The following PAK5 variants were observed in gnomAD, a reference collection of about 807,000 sequenced individuals.
The protein encoded by PAK5 is p21 (RAC1) activated kinase 5, also known as serine/threonine-protein kinase PAK 5.
Under a neutral mutation model 65.9 loss-of-function variants are expected in PAK5, and 16 were observed. The ratio of observed to expected loss-of-function variants is 0.24; its 90% CI spans 0.16 to 0.37. The LOEUF (loss-of-function observed/expected upper bound fraction) is 0.37. Ranked by LOEUF, PAK5 falls within the 10% of genes least tolerant of loss-of-function variation. The pLI is 1.00. For missense variants in PAK5, 785 were observed against 903.9 expected, an observed-to-expected ratio of 0.87 and a Z score of 1.69; for synonymous variants, 371 against 354.9, an observed-to-expected ratio of 1.05 and a Z score of -0.51.
At chr20:9,709,065 G>T (rs536648599) in intron 2 of PAK5, among the ~76,000 whole-genome samples, 1 of 152,114 alleles carries the variant, frequency 6.6e-6, no homozygotes, top group Non-Finnish European at 1.5e-5. Context: ...TCTAGTTCAT[G>T]TTAGTCTTGT....
intron 1 of PAK5, among the ~76,000 whole-genome samples, chr20:9,717,313 C>T (rs1162489368): frequency 6.6e-6 from 1 of 152,088 alleles, no homozygotes; most frequent in African/African-American, 2.4e-5. Flanking sequence ...ATTTATTATT[C>T]CCTGAGATTA....
intron 4 of PAK5, 134 bp from the exon 5 acceptor site, chr20:9,566,518 C>A: frequency 1.2e-6 from 1 of 849,072 alleles, no homozygotes; most frequent in Non-Finnish European, 1.9e-6. Flanking sequence ...GCTGGGGCAC[C>A]AACAGGACCG....
At chr20:9,629,681 C>A (rs1259087487) in intron 3 of PAK5, among the ~76,000 whole-genome samples, 1 of 152,240 alleles carries the variant, frequency 6.6e-6, no homozygotes, top group East Asian at 1.9e-4. Context: ...ACCCTTGTGA[C>A]CTCACATAGC....
At chr20:9,622,573 T>A (rs888422911) in intron 3 of PAK5, among the ~76,000 whole-genome samples, 1 of 152,208 alleles carries the variant, frequency 6.6e-6, no homozygotes, top group African/African-American at 2.4e-5. Flanking sequence ...GTCTGTTGAC[T>A]GTTGGGAAGC....
intron 1 of PAK5, among the ~76,000 whole-genome samples, chr20:9,730,356 C>G (rs2048323521): frequency 6.6e-6 from 1 of 152,080 alleles, no homozygotes; most frequent in Non-Finnish European, 1.5e-5. Context: ...ATTACCATGA[C>G]AAGAGGATGT....
chr20:9,743,223 A>C (rs2123592263), intron 1 of PAK5, among the ~76,000 whole-genome samples: 1 of 151,994 alleles, frequency 6.6e-6, no homozygotes. Context: ...TAAAAAAATT[A>C]GCCAGGCATG....
At chr20:9,660,064 C>G (rs995187847) in intron 2 of PAK5, among the ~76,000 whole-genome samples, 1 of 152,070 alleles carries the variant, frequency 6.6e-6, no homozygotes, top group African/African-American at 2.4e-5. Context: ...GACTGTCACT[C>G]CCTTCCAAAT....
intron 2 of PAK5, among the ~76,000 whole-genome samples, chr20:9,656,057 G>T (rs1600204877): frequency 1.3e-5 from 2 of 152,058 alleles, no homozygotes; most frequent in African/African-American, 4.8e-5. Context: ...AACTTGGGAG[G>T]TGGACAGAAT....
At chr20:9,752,369 A>C (rs1236354239) in intron 1 of PAK5, among the ~76,000 whole-genome samples, 1 of 152,056 alleles carries the variant, frequency 6.6e-6, no homozygotes, top group African/African-American at 2.4e-5. Flanking sequence ...AGAGGAAAAA[A>C]CTTATTTATA....
intron 2 of PAK5, among the ~76,000 whole-genome samples, chr20:9,677,073 G>T (rs538792865): frequency 6.5e-4 from 99 of 151,694 alleles, no homozygotes; most frequent in East Asian, 2.5e-3. Context: ...GTGTGTGTGT[G>T]TGTGTGTGTG....
At chr20:9,613,053 TAC>T (rs2046593437) in intron 3 of PAK5, among the ~76,000 whole-genome samples, 2 of 152,220 alleles carry the variant, frequency 1.3e-5, no homozygotes, top group Admixed American at 6.5e-5. Context: ...CTGTGGCAAC[TAC>T]TTAACTACTC....
intron 2 of PAK5, among the ~76,000 whole-genome samples, chr20:9,682,773 T>G (rs1569037816): frequency 6.6e-6 from 1 of 152,220 alleles, no homozygotes; most frequent in Non-Finnish European, 1.5e-5. Flanking sequence ...TGCCTATATA[T>G]TCACTTTGAT....
At chr20:9,672,542 G>A (rs113226797) in intron 2 of PAK5, among the ~76,000 whole-genome samples, 14 of 151,804 alleles carry the variant, frequency 9.2e-5, no homozygotes, top group African/African-American at 3.1e-4. Flanking sequence ...CCCTGTACAC[G>A]CTCTCCTGCC....
intron 3 of PAK5, among the ~76,000 whole-genome samples, chr20:9,593,983 G>A (rs1006557242): frequency 1.2e-4 from 18 of 152,210 alleles, no homozygotes; most frequent in Admixed American, 2.0e-4. Flanking sequence ...GAGAGATTCC[G>A]CTTCATCTGG....
chr20:9,791,841 A>G (rs1202995127), intron 1 of PAK5, among the ~76,000 whole-genome samples: 3 of 152,062 alleles, frequency 2.0e-5, no homozygotes, highest in African/African-American at 2.4e-5. Context: ...ATTGGGTCAC[A>G]CCTCCAGGGC....
At chr20:9,686,349 C>T (rs1232883160) in intron 2 of PAK5, among the ~76,000 whole-genome samples, 1 of 152,182 alleles carries the variant, frequency 6.6e-6, no homozygotes, top group Non-Finnish European at 1.5e-5. Context: ...GGAGGAGACA[C>T]AGGCCAGGGT....
rs376633305 is a variant in PAK5, at chr20:9,627,410, G to A, written c.204+16715C>T. On this transcript the variant is annotated intron_variant, in intron 3 of 9. Transcript: ENST00000353224. ...CAAAGATGCTGCTGACCCATGAGGC[G>A]GGAGGTGAGGGCTGCTAATGTCAGA... 3.8e-4 allele frequency among the ~76,000 whole-genome samples: 58 copies of A among 152,268 alleles called. No homozygotes were observed. In the South Asian group the frequency reaches 0.011, roughly 30 times the overall value.
At chr20:9,562,409 A>G (rs1365965996) in intron 6 of PAK5, among the ~76,000 whole-genome samples, 2 of 152,200 alleles carry the variant, frequency 1.3e-5, no homozygotes, top group Non-Finnish European at 2.9e-5. Context: ...GTAATTAACC[A>G]TCGTTACTTG....
chr20:9,592,411 C>G (rs1035978156), intron 3 of PAK5, among the ~76,000 whole-genome samples: 1 of 152,140 alleles, frequency 6.6e-6, no homozygotes, highest in African/African-American at 2.4e-5. Context: ...CTAGTTACCC[C>G]TAGGGGAAAG....
Sources: gnomAD v4.1 joint callset for allele counts (sites outside exome capture counted in the v4.1 genomes callset) on GRCh38, gnomAD v4.1.1 for gene constraint, MANE v1.5 for transcripts, NCBI Gene and HGNC (gene_info 2026-07-23, HGNC 2026-07-21) for gene names.